PASD1: variants seen among roughly 807,000 people sequenced by gnomAD.
PASD1 encodes PAS domain containing repressor 1.
Under a neutral mutation model 58.8 loss-of-function variants are expected in PASD1, and 13 were observed. The ratio of observed to expected loss-of-function variants is 0.22; its 90% CI spans 0.14 to 0.35. The LOEUF (loss-of-function observed/expected upper bound fraction) is 0.35. PASD1 is among the 10% of genes least tolerant of loss of function. The pLI, the probability that PASD1 is intolerant of heterozygous loss-of-function variation, is 1.00. For missense variants in PASD1, 734 were observed against 568.3 expected (o/e 1.29, Z -2.96); for synonymous variants, 236 against 216.7 (o/e 1.09, Z -0.78).
rs765153901 is a variant in PASD1 at position 151,602,596 on chromosome X, T to C, written c.28+1015T>C. Among the ~76,000 whole-genome samples, 5 of 110,505 alleles carry C rather than the reference T, an allele frequency of 4.5e-5. No homozygotes were observed. The Admixed American group carries it at 4.8e-4, about 11-fold the overall frequency. ...CTGTAGTCCCGGCTACTCGGGAGGC[T>C]GAGGCAAGACAATGGCTTGAACCTG... On this transcript the variant is annotated intron_variant, in intron 2 of 15. Coordinates refer to ENST00000370357, the MANE Select transcript of PASD1 (RefSeq NM_173493.3).
intron 4 of PASD1, among the ~76,000 whole-genome samples, chrX:151,612,229 T>C (rs113862473): frequency 6.7e-5 from 2 of 30,060 alleles, no homozygotes; most frequent in Non-Finnish European, 1.2e-4. Flanking sequence ...GTTGGACATT[T>C]GGCTGGTTCC....
intron 14 of PASD1, chrX:151,673,163 C>G (rs2014500795): frequency 8.1e-6 from 1 of 122,919 alleles, no homozygotes; most frequent in Non-Finnish European, 1.7e-5. Context: ...TAAGATCAGC[C>G]AAGAACACAT....
At chrX:151,582,167 T>C (rs761930147) in intron 1 of PASD1, among the ~76,000 whole-genome samples, 10 of 109,645 alleles carry the variant, frequency 9.1e-5, no homozygotes, top group East Asian at 2.9e-4. Context: ...TTTGTATTTT[T>C]AGTAGAGACG....
intron 13 of PASD1, 131 bp downstream of exon 13, chrX:151,671,910 A>G (rs181850773): frequency 1.4e-5 from 11 of 790,069 alleles, no homozygotes; most frequent in Non-Finnish European, 1.6e-5. Context: ...AAGATAGTAA[A>G]AAATCCTGGG....
At chrX:151,649,955 C>CGG (rs1482255242) in intron 9 of PASD1, among the ~76,000 whole-genome samples, 1 of 112,107 alleles carries the variant, frequency 8.9e-6, no homozygotes, top group Non-Finnish European at 1.9e-5. Flanking sequence ...ATTGAATTGT[C>CGG]CAAGTATTGC....
At chrX:151,642,499 A>C (rs1265952317) in intron 8 of PASD1, among the ~76,000 whole-genome samples, 1 of 112,505 alleles carries the variant, frequency 8.9e-6, no homozygotes. Flanking sequence ...GTTAAAAGTC[A>C]CAGAATGGTT....
intron 8 of PASD1, among the ~76,000 whole-genome samples, chrX:151,633,761 A>G (rs2013896481): frequency 8.9e-6 from 1 of 112,195 alleles, no homozygotes; most frequent in Admixed American, 9.5e-5. Context: ...GACTTATTGA[A>G]GCAGCACTGA....
intron 8 of PASD1, among the ~76,000 whole-genome samples, chrX:151,645,981 G>A (rs5970083): frequency 1.8e-4 from 20 of 110,143 alleles, no homozygotes; most frequent in Non-Finnish European, 3.2e-4. Flanking sequence ...CGTGATCACA[G>A]CTCACTGCAG....
chrX:151,600,346 C>T (rs765707536), intron 1 of PASD1, among the ~76,000 whole-genome samples: 1 of 110,465 alleles, frequency 9.1e-6, no homozygotes, highest in East Asian at 2.9e-4. Context: ...AGATTATTTC[C>T]TTATGTATTT....
intron 10 of PASD1, among the ~76,000 whole-genome samples, chrX:151,661,841 G>A: frequency 9.0e-6 from 1 of 111,458 alleles, no homozygotes; most frequent in Non-Finnish European, 1.9e-5. Flanking sequence ...TTCGTCTGAT[G>A]ATTTTTCAAG....
At chrX:151,581,832 A>G (rs1382918406) in intron 1 of PASD1, among the ~76,000 whole-genome samples, 1 of 110,311 alleles carries the variant, frequency 9.1e-6, no homozygotes, top group Non-Finnish European at 1.9e-5. Flanking sequence ...CAGCTCTGTC[A>G]ACTCAATTTT....
At chrX:151,650,977 C>T (rs1319109876) in intron 9 of PASD1, among the ~76,000 whole-genome samples, 3 of 111,518 alleles carry the variant, frequency 2.7e-5, no homozygotes, top group South Asian at 3.8e-4. Context: ...GAGGGGCCCC[C>T]TCTAGTATTC....
At chrX:151,611,478 G>A (rs1008729370) in intron 3 of PASD1, among the ~76,000 whole-genome samples, 186 bp from the exon 4 acceptor site, 71 of 112,217 alleles carry the variant, frequency 6.3e-4, no homozygotes, top group African/African-American at 2.0e-3. Context: ...CATGCTTAAG[G>A]TTAAGTAGAT....
At chrX:151,577,960 C>T (rs915796058) in intron 1 of PASD1, among the ~76,000 whole-genome samples, 1 of 112,118 alleles carries the variant, frequency 8.9e-6, no homozygotes, top group Non-Finnish European at 1.9e-5. Flanking sequence ...ATTCATCTTT[C>T]CCTGGACCAT....
chrX:151,676,315 C>A lies in PASD1; in HGVS notation c.*172C>A. 6.0e-6 allele frequency: 3 copies of A among 496,145 alleles called. No individual in the cohort carries two copies. Among genetic ancestry groups the A allele is most frequent in the Non-Finnish European group, 9.3e-6 (3 of 322,742 alleles). The allele number at this position is 496,145 out of a possible 1,213,427, so 40.9% of individuals were successfully genotyped here. ...GTTTGTAATTGTTTGTTAAGCACAG[C>A]CTGTTTCTTGGAAGTTATGCTGTAG... On this transcript the variant is annotated 3_prime_UTR_variant, in exon 16 of 16. Coordinates refer to ENST00000370357, the MANE Select transcript of PASD1 (RefSeq NM_173493.3).
At chrX:151,587,017 T>C (rs1021573439) in intron 1 of PASD1, among the ~76,000 whole-genome samples, 1 of 111,473 alleles carries the variant, frequency 9.0e-6, no homozygotes, top group Non-Finnish European at 1.9e-5. Flanking sequence ...GCTGATCTGT[T>C]TTAGAGCCTG....
At chrX:151,601,608 T>G in intron 2 of PASD1, 27 bp downstream of exon 2, 1 of 1,198,900 alleles carries the variant, frequency 8.3e-7, no homozygotes, top group Non-Finnish European at 1.1e-6. Flanking sequence ...GACTGACATT[T>G]CTGTCAAAGC....
chrX:151,581,869 T>G (rs1410371863), intron 1 of PASD1, among the ~76,000 whole-genome samples: 1 of 110,408 alleles, frequency 9.1e-6, no homozygotes, highest in Non-Finnish European at 1.9e-5. Context: ...AATGAGTAGC[T>G]GAAATAGATA....
chrX:151,621,079 A>G (rs1442116713), intron 5 of PASD1, 50 bp downstream of exon 5: 7 of 828,288 alleles, frequency 8.5e-6, no homozygotes, highest in Non-Finnish European at 8.8e-6. Context: ...AGGGACAAGT[A>G]ACAATCGCTC....
Sources: gnomAD v4.1 joint callset for allele counts (sites outside exome capture counted in the v4.1 genomes callset) on GRCh38, gnomAD v4.1.1 for gene constraint, MANE v1.5 for transcripts, NCBI Gene and HGNC (gene_info 2026-07-23, HGNC 2026-07-21) for gene names.